Variants in NBAS observed in about 807,000 individuals in gnomAD.
The protein encoded by NBAS is NAG/BC035112 fusion.
A neutral mutation model predicts 302.5 loss-of-function variants in NBAS; 219 were observed. The ratio of observed to expected loss-of-function variants is 0.72; its 90% CI spans 0.65 to 0.81. NBAS has a LOEUF of 0.81. NBAS is among the 30% of genes least tolerant of loss of function. NBAS has a pLI of 0.00. For synonymous variants in NBAS, 1,118 were observed against 1,021.6 expected (o/e 1.09, Z -1.80); for missense variants, 2,932 against 2,841.6 (o/e 1.03, Z -0.72).
chr2:15,396,032 T>C (rs1675849216), intron 27 of NBAS, among the ~76,000 whole-genome samples: 1 of 152,158 alleles, frequency 6.6e-6, no homozygotes, highest in African/African-American at 2.4e-5. Context: ...CTGATAAAGA[T>C]GCAATAATTG....
chr2:14,847,238 C>A, the NBAS span, among the ~76,000 whole-genome samples: 3 of 151,692 alleles, frequency 2.0e-5, no homozygotes, highest in African/African-American at 7.3e-5. Flanking sequence ...AAAAAATTAG[C>A]CGGGTGTGGT....
intron 46 of NBAS, among the ~76,000 whole-genome samples, chr2:15,233,785 G>T (rs1667477775): frequency 6.6e-6 from 1 of 152,010 alleles, no homozygotes; most frequent in South Asian, 2.1e-4. Context: ...ACTGATAAAG[G>T]CTCATTTGAT....
the NBAS span, among the ~76,000 whole-genome samples, chr2:14,848,400 A>G: frequency 7.1e-6 from 1 of 140,800 alleles, no homozygotes; most frequent in Non-Finnish European, 1.5e-5. Flanking sequence ...ACGAGACTAT[A>G]TCCCACACCT....
At chr2:14,985,086 T>C in the NBAS span, among the ~76,000 whole-genome samples, 1 of 152,240 alleles carries the variant, frequency 6.6e-6, no homozygotes, top group Non-Finnish European at 1.5e-5. Context: ...GGAATACTAT[T>C]GTTCAAAGGG....
At chr2:15,027,795 T>C in the NBAS span, among the ~76,000 whole-genome samples, 87 of 152,338 alleles carry the variant, frequency 5.7e-4, no homozygotes, top group South Asian at 1.7e-3. Flanking sequence ...ATTTAGTCTT[T>C]ATCATATTTA....
chr2:15,497,121 T>C (rs1356230486), intron 11 of NBAS, among the ~76,000 whole-genome samples: 1 of 152,110 alleles, frequency 6.6e-6, no homozygotes, highest in Non-Finnish European at 1.5e-5. Context: ...TAAAAGAGAA[T>C]GAGCCAGTGG....
At chr2:15,456,981 G>A (rs969959377) in intron 21 of NBAS, among the ~76,000 whole-genome samples, 3 of 152,262 alleles carry the variant, frequency 2.0e-5, no homozygotes, top group Non-Finnish European at 4.4e-5. Flanking sequence ...AGACCTTTAT[G>A]AAGAGATATG....
At chr2:15,201,495 CAACATTCCCCACCAATCT>C in intron 48 of NBAS, among the ~76,000 whole-genome samples, 1 of 152,158 alleles carries the variant, frequency 6.6e-6, no homozygotes, top group Non-Finnish European at 1.5e-5. Flanking sequence ...TGTTGACTAC[CAACATTCCCCACCAATCT>C]AAGCAGTTCT....
chr2:15,148,319 G>A, the NBAS span, among the ~76,000 whole-genome samples: 2 of 152,124 alleles, frequency 1.3e-5, no homozygotes, highest in Admixed American at 1.3e-4. Context: ...ATCTAGTAGG[G>A]GAGAAAGAGA....
the NBAS span, among the ~76,000 whole-genome samples, chr2:14,788,373 T>A: frequency 1.3e-5 from 2 of 152,224 alleles, no homozygotes; most frequent in East Asian, 3.9e-4. Context: ...AGGAACTGCA[T>A]TCCTTTGGAG....
the NBAS span, among the ~76,000 whole-genome samples, chr2:14,957,467 A>G: frequency 6.6e-6 from 1 of 152,200 alleles, no homozygotes; most frequent in Non-Finnish European, 1.5e-5. Context: ...CTATCTTTGC[A>G]TCAAATTCCA....
the NBAS span, among the ~76,000 whole-genome samples, chr2:15,147,255 G>A: frequency 9.9e-5 from 15 of 152,210 alleles, 2 homozygotes; most frequent in South Asian, 1.9e-3. Flanking sequence ...CAGGTCTGAC[G>A]AAGCTATTAT....
chr2:14,847,751 T>A, the NBAS span, among the ~76,000 whole-genome samples: 2 of 152,260 alleles, frequency 1.3e-5, no homozygotes, highest in African/African-American at 4.8e-5. Flanking sequence ...CGAAGAAACA[T>A]CTGACTTAAT....
the NBAS span, among the ~76,000 whole-genome samples, chr2:14,895,658 T>G: frequency 1.3e-5 from 2 of 151,108 alleles, no homozygotes; most frequent in African/African-American, 4.9e-5. Context: ...GAGAATGGCG[T>G]GAACCCGGGA....
chr2:15,312,864 T>TC (rs1671341660), intron 38 of NBAS, among the ~76,000 whole-genome samples: 1 of 152,328 alleles, frequency 6.6e-6, no homozygotes, highest in Non-Finnish European at 1.5e-5. Context: ...CAAAGAACTC[T>TC]TTCACACATA....
intron 35 of NBAS, among the ~76,000 whole-genome samples, chr2:15,339,026 T>C (rs1442150615): frequency 2.0e-5 from 3 of 152,006 alleles, no homozygotes; most frequent in Admixed American, 1.3e-4. Context: ...AAAAAATTTT[T>C]TAAAAATCAA....
chr2:15,340,817 T>C (rs1672812676), intron 35 of NBAS, among the ~76,000 whole-genome samples: 1 of 152,066 alleles, frequency 6.6e-6, no homozygotes, highest in South Asian at 2.1e-4. Context: ...GAAACAAGTA[T>C]GTCAAATGTT....
At chr2:15,136,435 G>GACAATTCATCC in the NBAS span, among the ~76,000 whole-genome samples, 1 of 152,218 alleles carries the variant, frequency 6.6e-6, no homozygotes, top group African/African-American at 2.4e-5. Flanking sequence ...TGAAAATGGT[G>GACAATTCATCC]ATAGACAATA....
At position 15,353,955 on chromosome 2, in the gene NBAS, T is replaced by C. The variant is rs528347786; in HGVS notation, c.3932-245A>G. Among the ~76,000 whole-genome samples the C allele has an allele frequency of 1.8e-4, 27 of 152,300 alleles. No individual in the cohort carries two copies. The East Asian group carries it at 4.0e-3, about 23-fold the overall frequency. On this transcript the variant is annotated intron_variant, in intron 33 of 51. Transcript: ENST00000281513. ...GTTTCTGACAAACTCTGTTAAATTT[T>C]AGATTAACTGACAATAAATGCAAAT... is the stretch of plus-strand genomic sequence containing the variant.
Sources: gnomAD v4.1 joint callset for allele counts (sites outside exome capture counted in the v4.1 genomes callset) on GRCh38, gnomAD v4.1.1 for gene constraint, MANE v1.5 for transcripts, NCBI Gene and HGNC (gene_info 2026-07-23, HGNC 2026-07-21) for gene names.